Variants in TYW1B observed in about 807,000 individuals in gnomAD.
TYW1B encodes S-adenosyl-L-methionine-dependent tRNA 4-demethylwyosine synthase TYW1B.
TYW1B carries 73 observed loss-of-function variants against 86.9 expected under a neutral mutation model. The ratio of observed to expected loss-of-function variants is 0.84; its 90% CI spans 0.70 to 1.02. TYW1B has a LOEUF of 1.02. Among genes scored for constraint, TYW1B ranks in the 50% least tolerant of loss-of-function variants. TYW1B has a pLI of 0.00. For missense variants in TYW1B, 637 were observed against 827.4 expected (o/e 0.77, Z 2.82); for synonymous variants, 248 against 292.8 (o/e 0.85, Z 1.56).
At chr7:72,786,576 T>TC (rs1477572333) in intron 6 of TYW1B, among the ~76,000 whole-genome samples, 6 of 17,430 alleles carry the variant, frequency 3.4e-4, no homozygotes, top group African/African-American at 7.2e-4. Context: ...CTTTTTTCTT[T>TC]TTTTTTTTTT....
intron 13 of TYW1B, among the ~76,000 whole-genome samples, chr7:72,593,799 G>C (rs1811459770): frequency 7.4e-6 from 1 of 134,630 alleles, no homozygotes; most frequent in Non-Finnish European, 1.5e-5. Flanking sequence ...TCCAGCCTGG[G>C]TGACAGAGCC....
At chr7:72,768,583 C>T (rs1487967683) in intron 7 of TYW1B, among the ~76,000 whole-genome samples, 5 of 151,926 alleles carry the variant, frequency 3.3e-5, no homozygotes, top group Admixed American at 1.3e-4. Context: ...GTCAGGAGAT[C>T]GAGACCATCC....
Position 72,642,533 on chromosome 7 carries a change from C to T in TYW1B, c.1507-13536G>A, listed in dbSNP as rs1417728156. 1.8e-4 allele frequency among the ~76,000 whole-genome samples: 28 copies of T among 152,164 alleles called. 1 individual carries two copies. The highest frequency in any genetic ancestry group is 1.0e-3 in the Admixed American group (16 of 15,260). On this transcript the variant is annotated intron_variant, in intron 11 of 13. Transcript: ENST00000620995. The stretch of plus-strand genomic sequence containing the variant: ...AACAGCCAAAAGCTGGAAACAATGC[C>T]AACGTCCATCAGCTGAAGAACGGAC...
At chr7:72,818,778 G>A (rs1373104046) in intron 2 of TYW1B, among the ~76,000 whole-genome samples, 1 of 151,938 alleles carries the variant, frequency 6.6e-6, no homozygotes, top group Admixed American at 6.6e-5. Flanking sequence ...GCAGGAACAA[G>A]AGAGAGAAGG....
intron 10 of TYW1B, among the ~76,000 whole-genome samples, chr7:72,698,399 C>T (rs1554451873): frequency 1.3e-5 from 2 of 152,126 alleles, no homozygotes; most frequent in Non-Finnish European, 2.9e-5. Context: ...AATCCCAACA[C>T]TTTGGGAGGC....
chr7:72,599,460 C>T (rs1160874955), intron 13 of TYW1B, among the ~76,000 whole-genome samples: 1 of 152,054 alleles, frequency 6.6e-6, no homozygotes, highest in East Asian at 1.9e-4. Flanking sequence ...CTAGATATTC[C>T]CCCATTAAGA....
intron 9 of TYW1B, among the ~76,000 whole-genome samples, chr7:72,716,805 A>ATTTTTT (rs71071904): frequency 7.3e-6 from 1 of 136,464 alleles, no homozygotes; most frequent in African/African-American, 2.8e-5. Context: ...CGTCTGGCTA[A>ATTTTTT]TTTTTTTTTT....
At chr7:72,584,810 T>C (rs1365285150) in intron 13 of TYW1B, among the ~76,000 whole-genome samples, 1 of 152,114 alleles carries the variant, frequency 6.6e-6, no homozygotes, top group Non-Finnish European at 1.5e-5. Flanking sequence ...GTCTAAACAA[T>C]GAGTGCACTA....
Position 72,575,067 on chromosome 7 carries a change from G to A in TYW1B, c.*431C>T. The stretch of plus-strand genomic sequence containing the variant: ...ATCTTAGAAAGCACAGACACGTTTA[G>A]CTCAGGGTAGTGCAATTCAATGCTA... On this transcript the variant is annotated 3_prime_UTR_variant, in exon 14 of 14. Coordinates refer to ENST00000620995, the MANE Select transcript of TYW1B (RefSeq NM_001145440.3). 9.9e-7 allele frequency: 1 copy of A among 1,015,182 alleles called. No homozygotes were observed. The highest frequency in any genetic ancestry group is 1.2e-6 in the Non-Finnish European group (1 of 847,680). The allele number at this position is 1,015,182 out of a possible 1,614,324, so 62.9% of individuals were successfully genotyped here.
chr7:72,796,967 C>A (rs1312598876), intron 6 of TYW1B, among the ~76,000 whole-genome samples: 2 of 80,576 alleles, frequency 2.5e-5, no homozygotes, highest in Non-Finnish European at 6.7e-5. Context: ...CTATGCCCAG[C>A]TAATTTTTGT....
chr7:72,820,705 G>A (rs1477401940), intron 2 of TYW1B, among the ~76,000 whole-genome samples: 1 of 152,048 alleles, frequency 6.6e-6, no homozygotes, highest in Non-Finnish European at 1.5e-5. Context: ...CTCCCCCAGG[G>A]ATTCATCTAT....
At chr7:72,689,919 C>T (rs1814100965) in intron 11 of TYW1B, among the ~76,000 whole-genome samples, 1 of 152,122 alleles carries the variant, frequency 6.6e-6, no homozygotes, top group Non-Finnish European at 1.5e-5. Context: ...TTGTGGGCCA[C>T]ACACATAAAT....
chr7:72,763,065 G>T (rs1787711598), intron 7 of TYW1B, among the ~76,000 whole-genome samples: 1 of 151,688 alleles, frequency 6.6e-6, no homozygotes, highest in African/African-American at 2.4e-5. Flanking sequence ...CTTTTAATCA[G>T]GTTTGTCTTC....
chr7:72,755,628 C>T (rs1787573648), intron 7 of TYW1B, among the ~76,000 whole-genome samples: 1 of 152,226 alleles, frequency 6.6e-6, no homozygotes, highest in Non-Finnish European at 1.5e-5. Context: ...CGTGCCACTG[C>T]ACTCCGGCCT....
chr7:72,805,938 A>C (rs1788485992), intron 5 of TYW1B, among the ~76,000 whole-genome samples: 1 of 152,160 alleles, frequency 6.6e-6, no homozygotes. Context: ...GGAGTGTTAC[A>C]GCCTGAAGAC....
At chr7:72,772,502 AT>A (rs1787884872) in intron 7 of TYW1B, among the ~76,000 whole-genome samples, 3 of 149,036 alleles carry the variant, frequency 2.0e-5, no homozygotes, top group Admixed American at 6.7e-5. Context: ...AGAGAGAAAA[AT>A]CCAATTCTAG....
chr7:72,787,379 C>T (rs1788146602), intron 6 of TYW1B, among the ~76,000 whole-genome samples: 1 of 151,892 alleles, frequency 6.6e-6, no homozygotes, highest in Non-Finnish European at 1.5e-5. Context: ...GGGAGAACTG[C>T]TTGAACCCAG....
chr7:72,742,009 A>G (rs1787312594), intron 8 of TYW1B, among the ~76,000 whole-genome samples: 1 of 152,194 alleles, frequency 6.6e-6, no homozygotes, highest in African/African-American at 2.4e-5. Flanking sequence ...ACAAAAATGA[A>G]AGGACACTAA....
At chr7:72,775,162 G>A (rs1368482014) in intron 7 of TYW1B, among the ~76,000 whole-genome samples, 3 of 152,084 alleles carry the variant, frequency 2.0e-5, no homozygotes, top group African/African-American at 7.2e-5. Flanking sequence ...TAGAACATGA[G>A]TGAGTTGTGG....
Sources: allele counts gnomAD v4.1 joint callset (sites outside exome capture counted in the v4.1 genomes callset), GRCh38; gene constraint gnomAD v4.1.1; transcripts MANE v1.5; gene names NCBI Gene and HGNC (gene_info 2026-07-23, HGNC 2026-07-21).